The following ZNF829 variants were observed in gnomAD, a reference collection of about 807,000 sequenced individuals.
ZNF829 encodes zinc finger protein 829.
In ZNF829, 25 loss-of-function variants were observed where a neutral mutation model predicts 35.2. That is an observed-to-expected ratio of 0.71 (90% CI 0.52 to 0.99). ZNF829 has a LOEUF of 0.99. ZNF829 is among the 50% of genes least tolerant of loss of function. The pLI, the probability that ZNF829 is intolerant of heterozygous loss-of-function variation, is 0.00. For synonymous variants in ZNF829, 136 were observed against 163.2 expected, an observed-to-expected ratio of 0.83 and a Z score of 1.27; for missense variants, 417 against 515.3, an observed-to-expected ratio of 0.81 and a Z score of 1.85.
chr19:36,892,049 C>T lies in ZNF829; in HGVS notation c.742G>A (p.Ala248Thr). The part of the protein sequence containing the change: ...KPYECKECGK[A>T]FKYCSNLNDH... ...TTAAGGTTTGAGCAATACTTAAAGGCTTTTCCACATTCCTTACATTCATAG... is the reference window on the plus strand; with the variant it reads ...TTAAGGTTTGAGCAATACTTAAAGGTTTTTCCACATTCCTTACATTCATAG... Residue 248 changes from alanine (A) to threonine (T), a missense_variant, in exon 6 of 6, where the codon GCC becomes ACC. Physicochemically the swap from Ala to Thr is moderately conservative, Grantham distance 58 (BLOSUM62 0). Coordinates refer to ENST00000391711, the MANE Select transcript of ZNF829 (RefSeq NM_001037232.4). 2 of 1,614,016 alleles carry T rather than the reference C, an allele frequency of 1.2e-6. No homozygotes were observed. Among genetic ancestry groups the T allele is most frequent in the Non-Finnish European group, 1.7e-6 (2 of 1,179,962 alleles).
rs1455772024 is a variant in ZNF829, at chr19:36,889,289, T to C, written c.*2203A>G. 1 of 152,184 alleles carries C rather than the reference T, an allele frequency of 6.6e-6. No individual in the cohort carries two copies. Among genetic ancestry groups the C allele is most frequent in the African/African-American group, 2.4e-5 (1 of 41,444 alleles). The allele number at this position is 152,184 out of a possible 1,614,324, so 9.4% of individuals were successfully genotyped here. A position where few individuals can be genotyped will look rare whatever the true frequency, so the allele number is the denominator to read the frequency against. On this transcript the variant is annotated 3_prime_UTR_variant, in exon 6 of 6. Transcript: ENST00000391711. The stretch of plus-strand genomic sequence containing the variant: ...GTTTTATCCTTGCCTGGCTTCAGTA[T>C]CAGGATGATACTGGCTTTGTAGAAT...
At position 36,891,614 on chromosome 19, in the gene ZNF829, A is replaced by C. The variant is rs2073052866; in HGVS notation, c.1177T>G (p.Ser393Ala). ...ATTCTCTGATGTCGAGTAAGATTTG[A>C]GCCTTTATTAAAGGCCTTCCCACAT... ...NECGKAFNKG[S>A]NLTRHQRIHT... The change falls in exon 6 of 6, where the codon TCA becomes GCA. Residue 393 changes from serine to alanine, a missense_variant. Ser to Ala is a moderately conservative substitution (Grantham distance 99). Coordinates refer to ENST00000391711, the MANE Select transcript of ZNF829 (RefSeq NM_001037232.4). 6.2e-7 allele frequency: 1 copy of C among 1,613,584 alleles called. No individual in the cohort carries two copies. The highest frequency in any genetic ancestry group is 8.5e-7 in the Non-Finnish European group (1 of 1,179,896).
rs1487363776 is a variant in ZNF829, at chr19:36,889,949, A to G, written c.*1543T>C. ...TAGCACTGCTTTTGCTGTATCTCAGATGTTTTCATGTGTTTTGTCTCTATT... is the reference window on the plus strand; with the variant it reads ...TAGCACTGCTTTTGCTGTATCTCAGGTGTTTTCATGTGTTTTGTCTCTATT... On this transcript the variant is annotated 3_prime_UTR_variant, in exon 6 of 6. Transcript: ENST00000391711. 1 of 152,146 alleles carries G rather than the reference A, an allele frequency of 6.6e-6. No individual in the cohort carries two copies. The highest frequency in any genetic ancestry group is 2.4e-5 in the African/African-American group (1 of 41,440). 9.4% of individuals were successfully genotyped at this position (152,146 alleles called of 1,614,324 possible).
chr19:36,899,250 G>C (rs1317732280), intron 5 of ZNF829, among the ~76,000 whole-genome samples: 2 of 150,320 alleles, frequency 1.3e-5, no homozygotes, highest in Non-Finnish European at 2.9e-5. Flanking sequence ...GACCAGCCTG[G>C]GGAACATAGG....
At chr19:36,903,708 T>A (rs1298846390) in intron 5 of ZNF829, among the ~76,000 whole-genome samples, 1 of 152,058 alleles carries the variant, frequency 6.6e-6, no homozygotes, top group African/African-American at 2.4e-5. Flanking sequence ...CTGGCCAACA[T>A]GGGGAAACCT....
chr19:36,915,139 G>T lies in ZNF829; in HGVS notation c.29C>A (p.Pro10His), dbSNP rs960354296. Residue 10 changes from proline (P) to histidine (H), a missense_variant, in exon 2 of 6, where the codon CCT becomes CAT. Transcript: ENST00000391711. ...CAGCCCCATTACCCACCACACATGA[G>T]GAATGGAGATCAGAGGAGAATGGGG... MPHSPLISIPHVWCHPEEEE... is the reference protein window; with the variant it reads MPHSPLISIHHVWCHPEEEE... 3 of 1,613,988 alleles carry T rather than the reference G, an allele frequency of 1.9e-6. No homozygotes were observed. Among genetic ancestry groups the T allele is most frequent in the Non-Finnish European group, 1.7e-6 (2 of 1,180,044 alleles).
At chr19:36,906,402 C>T (rs1004973603) in intron 5 of ZNF829, 1 of 152,166 alleles carries the variant, frequency 6.6e-6, no homozygotes, top group Non-Finnish European at 1.5e-5. Context: ...AGACAACCGA[C>T]TAAGTTTAGC....
chr19:36,888,238 TGTTTG>T lies in ZNF829; in HGVS notation c.*3249_*3253del, dbSNP rs1393675481. 1.3e-5 allele frequency: 2 copies of T among 152,194 alleles called. No individual in the cohort carries two copies. Among genetic ancestry groups the T allele is most frequent in the Non-Finnish European group, 2.9e-5 (2 of 68,030 alleles). 9.4% of individuals were successfully genotyped at this position (152,194 alleles called of 1,614,324 possible). Reference sequence around the variant, plus strand: ...AATGAAATTATAAATTGTGCTGTCTTGTTTGATCAAAAGTTTGATAAAACATTTAA... The same window carrying T: ...AATGAAATTATAAATTGTGCTGTCTTATCAAAAGTTTGATAAAACATTTAA... On this transcript the variant is annotated 3_prime_UTR_variant, in exon 6 of 6. Transcript: ENST00000391711.
chr19:36,915,909 C>T (rs2073322652), intron 1 of ZNF829, 102 bp downstream of exon 1: 1 of 1,536,140 alleles, frequency 6.5e-7, no homozygotes, highest in East Asian at 2.4e-5. Flanking sequence ...AAGGCGCCAG[C>T]TCCCCATCGG....
At chr19:36,913,627 A>T (rs943047482) in intron 3 of ZNF829, among the ~76,000 whole-genome samples, 2 of 152,186 alleles carry the variant, frequency 1.3e-5, no homozygotes, top group Non-Finnish European at 2.9e-5. Context: ...AAGAAGAAGA[A>T]ATTCTAACAT....
At chr19:36,898,452 A>G (rs1236472715) in intron 5 of ZNF829, among the ~76,000 whole-genome samples, 1 of 152,242 alleles carries the variant, frequency 6.6e-6, no homozygotes, top group Non-Finnish European at 1.5e-5. Context: ...AATGCAATCT[A>G]CAGATTCAAT....
chr19:36,892,359 A>T lies in ZNF829; in HGVS notation c.432T>A (p.Ile144=), dbSNP rs2073064800. 4 of 1,613,702 alleles carry T rather than the reference A, an allele frequency of 2.5e-6. No homozygotes were observed. Among genetic ancestry groups the T allele is most frequent in the Non-Finnish European group, 2.5e-6 (3 of 1,179,944 alleles). Residue 144 remains isoleucine, a synonymous_variant, in exon 6 of 6, where the codon ATT becomes ATA. Coordinates refer to ENST00000391711, the MANE Select transcript of ZNF829 (RefSeq NM_001037232.4). ...CTTCACTCATAGTTTTTTGAGGTGG[A>T]ATAAGAAATGTGGGCTGAATAAAAG... The part of the protein sequence containing the change: ...MSTFIQPTFL[I]PPQKTMSEEK...
At chr19:36,902,169 GA>G (rs553335017) in intron 5 of ZNF829, 789 of 168,478 alleles carry the variant, frequency 4.7e-3, no homozygotes, top group South Asian at 0.015. Flanking sequence ...AAAAAAAAAA[GA>G]AAAAAAAAAA....
chr19:36,891,444 A>G lies in ZNF829; in HGVS notation c.*48T>C. On this transcript the variant is annotated 3_prime_UTR_variant, in exon 6 of 6. Coordinates refer to ENST00000391711, the MANE Select transcript of ZNF829 (RefSeq NM_001037232.4). ...CTAATTTGTTCTCCTTACCTGTTTT[A>G]AAAAAATTATTATAAAGGTTAACAA... The G allele has an allele frequency of 6.7e-7, 1 of 1,493,512 alleles. No individual in the cohort carries two copies. The highest frequency in any genetic ancestry group is 8.9e-7 in the Non-Finnish European group (1 of 1,120,986). 92.5% of individuals were successfully genotyped at this position (1,493,512 alleles called of 1,614,324 possible). A position where few individuals can be genotyped will look rare whatever the true frequency, so the allele number is the denominator to read the frequency against.
intron 5 of ZNF829, among the ~76,000 whole-genome samples, chr19:36,902,649 T>TAAAATAAAATAAAATAAAATAAAATAA (rs2073178947): frequency 6.8e-6 from 1 of 147,808 alleles, no homozygotes; most frequent in African/African-American, 2.5e-5. Context: ...TGTCTCAAAA[T>TAAAATAAAATAAAATAAAATAAAATAA]AAAATAAAAT....
At position 36,915,212 on chromosome 19, in the gene ZNF829, T is replaced by C; in HGVS notation, c.-45A>G. 1.2e-6 allele frequency: 2 copies of C among 1,614,150 alleles called. No individual in the cohort carries two copies. The highest frequency in any genetic ancestry group is 8.5e-7 in the Non-Finnish European group (1 of 1,180,020). ...TCAGGGGAAAGGTTGTGTTCACTGC[T>C]GTCCAGGGTTGGAATCTGACCAGAC... On this transcript the variant is annotated 5_prime_UTR_variant, in exon 2 of 6. Transcript: ENST00000391711.
chr19:36,890,418 T>A lies in ZNF829; in HGVS notation c.*1074A>T, dbSNP rs1175063740. 13 of 152,266 alleles carry A rather than the reference T, an allele frequency of 8.5e-5. No individual in the cohort carries two copies. Among genetic ancestry groups the A allele is most frequent in the Admixed American group, 8.5e-4 (13 of 15,278 alleles). 9.4% of individuals were successfully genotyped at this position (152,266 alleles called of 1,614,324 possible). On this transcript the variant is annotated 3_prime_UTR_variant, in exon 6 of 6. Coordinates refer to ENST00000391711, the MANE Select transcript of ZNF829 (RefSeq NM_001037232.4). Reference sequence around the variant, plus strand: ...CTATCTCTTTTCTTAGGTCTAGTAGTATCTGTGTTATGGATCTGGGTGTTG... The same window carrying A: ...CTATCTCTTTTCTTAGGTCTAGTAGAATCTGTGTTATGGATCTGGGTGTTG...
Position 36,889,491 on chromosome 19 carries a change from G to T in ZNF829, c.*2001C>A, listed in dbSNP as rs2073030118. 1 of 151,990 alleles carries T rather than the reference G, an allele frequency of 6.6e-6. No homozygotes were observed. Among genetic ancestry groups the T allele is most frequent in the Non-Finnish European group, 1.5e-5 (1 of 67,998 alleles). 9.4% of individuals were successfully genotyped at this position (151,990 alleles called of 1,614,324 possible). A position where few individuals can be genotyped will look rare whatever the true frequency, so the allele number is the denominator to read the frequency against. ...TTTCAATACTCAGTAGTCTGTTGAG[G>T]ATTCCTATTTCTCCCTGGTTCAATC... On this transcript the variant is annotated 3_prime_UTR_variant, in exon 6 of 6. Coordinates refer to ENST00000391711, the MANE Select transcript of ZNF829 (RefSeq NM_001037232.4).
At position 36,908,360 on chromosome 19, in the gene ZNF829, C is replaced by G. The variant is rs1167862383; in HGVS notation, c.196G>C (p.Glu66Gln). The change falls in exon 4 of 6, where the codon GAG (glutamate) becomes CAG (glutamine). Residue 66 changes from glutamate to glutamine, a missense_variant. Glu to Gln is a conservative substitution (Grantham distance 29). Transcript: ENST00000391711. The part of the protein sequence containing the change: ...QMNLYKEVML[E>Q]NFSNLVSVGL... ...ACTGAAACCAGGTTGCTGAAATTCTCCAACATCACTTCTTTGTATAAATTC... is the reference window on the plus strand; with the variant it reads ...ACTGAAACCAGGTTGCTGAAATTCTGCAACATCACTTCTTTGTATAAATTC... 7 of 1,613,356 alleles carry G rather than the reference C, an allele frequency of 4.3e-6. No individual in the cohort carries two copies. Among genetic ancestry groups the G allele is most frequent in the Non-Finnish European group, 5.9e-6 (7 of 1,179,672 alleles).
Sources: gnomAD v4.1 joint callset for allele counts (sites outside exome capture counted in the v4.1 genomes callset) on GRCh38, gnomAD v4.1.1 for gene constraint, MANE v1.5 for transcripts, NCBI Gene and HGNC (gene_info 2026-07-23, HGNC 2026-07-21) for gene names.